The following GUK1 variants were observed in gnomAD, a reference collection of about 807,000 sequenced individuals.
The protein encoded by GUK1 is guanylate kinase 1, also known as guanylate kinase.
Under a neutral mutation model 25.2 loss-of-function variants are expected in GUK1, and 18 were observed. That is an observed-to-expected ratio of 0.71 (90% CI 0.49 to 1.06). The LOEUF (loss-of-function observed/expected upper bound fraction) is 1.06, where lower values mean the gene tolerates loss of function less well. Among genes scored for constraint, GUK1 ranks in the 50% least tolerant of loss-of-function variants. The pLI is 0.00. For missense variants in GUK1, 261 were observed against 276.7 expected (o/e 0.94, Z 0.40); for synonymous variants, 105 against 117.6 (o/e 0.89, Z 0.69).
In GUK1 at chr1:228,146,852, T is replaced by C; in HGVS notation, c.165T>C (p.Phe55=). The C allele has an allele frequency of 6.2e-7, 1 of 1,610,654 alleles. No individual in the cohort carries two copies. Among genetic ancestry groups the C allele is most frequent in the Non-Finnish European group, 8.5e-7 (1 of 1,176,938 alleles). The stretch of plus-strand genomic sequence containing the variant: ...CCTCCTCTTCCCCAGATTACTACTT[T>C]GTAACCAGGGAGGTGATGCAGCGTG... The change falls in exon 5 of 9, where the codon TTT becomes TTC. Residue 55 remains phenylalanine, a synonymous_variant. Coordinates refer to ENST00000312726, the MANE Select transcript of GUK1 (RefSeq NM_000858.7).
At chr1:228,140,471 A>T in intron 1 of GUK1, 108 bp downstream of exon 1, 1 of 788,748 alleles carries the variant, frequency 1.3e-6, no homozygotes, top group Middle Eastern at 3.8e-4. Flanking sequence ...CTCCTAGCCG[A>T]GACGCCCTGT....
At chr1:228,147,194 G>A (rs1433740339) in intron 5 of GUK1, among the ~76,000 whole-genome samples, 1 of 152,230 alleles carries the variant, frequency 6.6e-6, no homozygotes, top group Non-Finnish European at 1.5e-5. Context: ...CTCACTACAG[G>A]CACCTTGGGG....
At chr1:228,144,051 A>G (rs1039679224) in intron 2 of GUK1, among the ~76,000 whole-genome samples, 1 of 151,236 alleles carries the variant, frequency 6.6e-6, no homozygotes, top group African/African-American at 2.4e-5. Flanking sequence ...GTGTGTGTGC[A>G]TTTGCTTGGT....
Position 228,141,229 on chromosome 1 carries a change from C to G in GUK1, c.-62C>G. 1.0e-6 allele frequency: 1 copy of G among 984,658 alleles called. No individual in the cohort carries two copies. Among genetic ancestry groups the G allele is most frequent in the East Asian group, 1.1e-4 (1 of 8,800 alleles). The allele number at this position is 984,658 out of a possible 1,614,324, so 61.0% of individuals were successfully genotyped here. Reference sequence around the variant, plus strand: ...AGACCCAAACATAGCCGCGCAGCATCGTGAAGGGCTGGGGCCTTCACTCCT... The same window carrying G: ...AGACCCAAACATAGCCGCGCAGCATGGTGAAGGGCTGGGGCCTTCACTCCT... On this transcript the variant is annotated 5_prime_UTR_variant, in exon 2 of 9. Coordinates refer to ENST00000312726, the MANE Select transcript of GUK1 (RefSeq NM_000858.7).
At chr1:228,147,311 G>A (rs2034436132) in intron 5 of GUK1, 95 bp from the exon 5 acceptor site, 28 of 1,212,116 alleles carry the variant, frequency 2.3e-5, no homozygotes, top group Non-Finnish European at 2.9e-5. Flanking sequence ...GCTGTGGGAG[G>A]AGAACGCTGG....
rs1571902376 is a variant in GUK1 at position 228,148,861 on chromosome 1, C to T, written c.*164C>T. On this transcript the variant is annotated 3_prime_UTR_variant, in exon 9 of 9. Transcript: ENST00000312726. ...GGAACATCCTGGGGTGACCCCCGAC[C>T]CAGCCTCGCTGGGCTGTCCCCTGTC... 1.3e-6 allele frequency: 2 copies of T among 1,526,218 alleles called. No individual in the cohort carries two copies. The highest frequency in any genetic ancestry group is 1.8e-6 in the Non-Finnish European group (2 of 1,126,974). 94.5% of individuals were successfully genotyped at this position (1,526,218 alleles called of 1,614,324 possible).
intron 2 of GUK1, chr1:228,141,342 C>T: frequency 1.3e-6 from 1 of 774,246 alleles, no homozygotes; most frequent in South Asian, 5.7e-5. Context: ...TGAAAGCGCC[C>T]TGGCTGCTCC....
At chr1:228,145,784 ACACT>A in intron 3 of GUK1, 160 bp downstream of exon 2, 1 of 859,744 alleles carries the variant, frequency 1.2e-6, no homozygotes, top group Non-Finnish European at 1.8e-6. Flanking sequence ...TGAGGTTATC[ACACT>A]CCTGCTGTCC....
At chr1:228,141,837 C>G in intron 2 of GUK1, 1 of 1,179,892 alleles carries the variant, frequency 8.5e-7, no homozygotes. Context: ...CAGGTCCTTA[C>G]AGTTGTGGGT....
In GUK1 at chr1:228,141,172, A is replaced by G; in HGVS notation, c.-119A>G. On this transcript the variant is annotated 5_prime_UTR_variant, in exon 2 of 9. Transcript: ENST00000312726. ...GTTGCTGTCGAGGACCCTGTGCAAG[A>G]CTCGGCCGGTTTTTCTTTCTCCCTG... The G allele has an allele frequency of 6.8e-5, 67 of 984,882 alleles. No homozygotes were observed. The highest frequency in any genetic ancestry group is 8.1e-5 in the Non-Finnish European group (67 of 829,830). 61.0% of individuals were successfully genotyped at this position (984,882 alleles called of 1,614,324 possible).
chr1:228,148,576 G>C lies in GUK1; in HGVS notation c.562-89G>C, dbSNP rs574849703. ...CAGTCCTACCCAAGCACTGGCATGA[G>C]ACACCGAGGTCCACGGTGGAGGGAG... On this transcript the variant is annotated intron_variant, in intron 8 of 8. Transcript: ENST00000312726. 7.2e-6 allele frequency: 10 copies of C among 1,382,684 alleles called. No individual in the cohort carries two copies. In the East Asian group the frequency reaches 1.4e-4, roughly 19 times the overall value. The allele number at this position is 1,382,684 out of a possible 1,614,324, so 85.7% of individuals were successfully genotyped here. A position where few individuals can be genotyped will look rare whatever the true frequency, so the allele number is the denominator to read the frequency against.
At chr1:228,140,830 G>A (rs1381309915) in intron 1 of GUK1, among the ~76,000 whole-genome samples, 1 of 152,230 alleles carries the variant, frequency 6.6e-6, no homozygotes, top group African/African-American at 2.4e-5. Context: ...CAGAGACGGG[G>A]ACTTGGGGAA....
At chr1:228,145,475 C>T (rs377185198) in intron 2 of GUK1, 36 bp from the exon 2 acceptor site, 63 of 1,563,456 alleles carry the variant, frequency 4.0e-5, no homozygotes, top group African/African-American at 1.3e-4. Context: ...GACTAGAGGC[C>T]GCACTGCTAT....
intron 2 of GUK1, among the ~76,000 whole-genome samples, chr1:228,142,083 C>T (rs972111598): frequency 2.0e-5 from 3 of 152,240 alleles, no homozygotes; most frequent in Admixed American, 6.5e-5. Flanking sequence ...CTTTGGTGAC[C>T]GCCCTGCCAC....
intron 2 of GUK1, among the ~76,000 whole-genome samples, chr1:228,142,304 T>C (rs907998604): frequency 6.6e-6 from 1 of 151,942 alleles, no homozygotes; most frequent in Non-Finnish European, 1.5e-5. Context: ...TGTTGGCCCG[T>C]CCAGAGTTCT....
chr1:228,146,151 C>G, intron 4 of GUK1, 84 bp downstream of exon 3: 1 of 875,270 alleles, frequency 1.1e-6, no homozygotes, highest in Non-Finnish European at 1.9e-6. Flanking sequence ...GCTGTGCTGC[C>G]CGTCTCCTGC....
chr1:228,145,825 G>C, intron 3 of GUK1: 1 of 711,798 alleles, frequency 1.4e-6, no homozygotes, highest in South Asian at 1.8e-5. Flanking sequence ...CCTTCCCTGG[G>C]TCTGTTGAGT....
intron 2 of GUK1, 104 bp from the exon 2 acceptor site, chr1:228,145,407 C>A: frequency 8.2e-7 from 1 of 1,221,896 alleles, no homozygotes; most frequent in Non-Finnish European, 1.1e-6. Context: ...GTCTCCATCC[C>A]TGGGTCAGCC....
intron 1 of GUK1, 81 bp downstream of exon 1, chr1:228,140,444 C>T: frequency 2.0e-6 from 2 of 991,576 alleles, no homozygotes; most frequent in Non-Finnish European, 1.4e-6. Context: ...GCCCAGTCCA[C>T]GCCGCCTCCG....
Sources: gnomAD v4.1 joint callset for allele counts (sites outside exome capture counted in the v4.1 genomes callset) on GRCh38, gnomAD v4.1.1 for gene constraint, MANE v1.5 for transcripts, NCBI Gene and HGNC (gene_info 2026-07-23, HGNC 2026-07-21) for gene names.